KAZN: variants seen among roughly 807,000 people sequenced by gnomAD.
KAZN encodes the protein kazrin, periplakin interacting protein.
Under a neutral mutation model 87.4 loss-of-function variants are expected in KAZN, and 40 were observed. That is an observed-to-expected ratio of 0.46 (90% CI 0.36 to 0.60). The LOEUF is 0.60. Ranked by LOEUF, KAZN falls within the 20% of genes least tolerant of loss-of-function variation. The pLI is 0.00. For synonymous variants in KAZN, 466 were observed against 458.3 expected (o/e 1.02, Z -0.22); for missense variants, 898 against 1,073.9 (o/e 0.84, Z 2.29).
At chr1:13,936,118 G>C (rs1640731941) in intron 1 of KAZN, among the ~76,000 whole-genome samples, 1 of 9,530 alleles carries the variant, frequency 1.0e-4, no homozygotes, top group Non-Finnish European at 2.7e-4. Context: ...TTTTGAGACA[G>C]AGTTTCAAGC....
chr1:14,835,930 A>G (rs972619837), intron 1 of KAZN, among the ~76,000 whole-genome samples: 2 of 152,146 alleles, frequency 1.3e-5, no homozygotes, highest in East Asian at 1.9e-4. Flanking sequence ...ACTGAAAACA[A>G]AAGTCAGCAG....
At chr1:14,148,952 G>A (rs990815051) in intron 1 of KAZN, among the ~76,000 whole-genome samples, 2 of 152,032 alleles carry the variant, frequency 1.3e-5, no homozygotes, top group African/African-American at 2.4e-5. Flanking sequence ...TGGTCTTGTC[G>A]GGTAAAGACT....
intron 1 of KAZN, among the ~76,000 whole-genome samples, chr1:14,783,446 TCTC>T (rs977987491): frequency 6.6e-6 from 1 of 151,926 alleles, no homozygotes; most frequent in African/African-American, 2.4e-5. Flanking sequence ...CTCCAGGACT[TCTC>T]TTCTGCAAAA....
intron 8 of KAZN, chr1:15,067,786 G>A (rs1049574266): frequency 1.0e-6 from 1 of 985,242 alleles, no homozygotes; most frequent in Non-Finnish European, 1.2e-6. Context: ...GAGCCTAGGG[G>A]TGACGGGGAG....
chr1:14,948,665 AAT>A (rs1236804996), intron 1 of KAZN, among the ~76,000 whole-genome samples: 1 of 152,140 alleles, frequency 6.6e-6, no homozygotes, highest in Non-Finnish European at 1.5e-5. Context: ...AGCGGGGGCT[AAT>A]AGAGAAATTT....
At chr1:14,147,212 A>G (rs922795298) in intron 1 of KAZN, among the ~76,000 whole-genome samples, 1 of 152,206 alleles carries the variant, frequency 6.6e-6, no homozygotes, top group Non-Finnish European at 1.5e-5. Context: ...ACAGTAAGTT[A>G]TTAGTAGTTA....
At chr1:14,131,723 A>T (rs1037919902) in intron 1 of KAZN, among the ~76,000 whole-genome samples, 1 of 152,078 alleles carries the variant, frequency 6.6e-6, no homozygotes, top group Non-Finnish European at 1.5e-5. Context: ...GGGTTACATA[A>T]CTTTCAAGAT....
chr1:14,328,731 A>C lies in KAZN; in HGVS notation c.249+148139A>C, dbSNP rs149432494. On this transcript the variant is annotated intron_variant, in intron 2 of 16. Coordinates refer to the KAZN transcript ENST00000636203. ...AAAAAAGAAACTCTAAGAATACTTA[A>C]GAAGACATCCCTAACTGAAAAAAAA... Among the ~76,000 whole-genome samples, 668 of 140,662 alleles carry C rather than the reference A, an allele frequency of 4.7e-3. 6 individuals carry two copies. The highest frequency in any genetic ancestry group is 0.017 in the African/African-American group (627 of 36,352). 92.3% of individuals were successfully genotyped at this position (140,662 alleles called of 152,430 possible).
chr1:14,199,323 C>A (rs1026734463), intron 2 of KAZN, among the ~76,000 whole-genome samples: 1 of 152,174 alleles, frequency 6.6e-6, no homozygotes, highest in African/African-American at 2.4e-5. Flanking sequence ...TCCGATCTCC[C>A]ACCTTTGAAC....
Position 14,856,190 on chromosome 1 carries a change from G to A in KAZN, c.227-104494G>A, listed in dbSNP as rs1199930490. On this transcript the variant is annotated intron_variant, in intron 1 of 14. Transcript: ENST00000376030. The surrounding 1 kb of genome is among the most constrained non-coding windows in gnomAD (Gnocchi z 5.2). ...AGGCTGCAGCTCTTGGGAGGATAAT[G>A]GGCATAGAAATTGGGGAGGGGATGA... Among the ~76,000 whole-genome samples, 1 of 152,156 alleles carries A rather than the reference G, an allele frequency of 6.6e-6. No homozygotes were observed. Among genetic ancestry groups the A allele is most frequent in the African/African-American group, 2.4e-5 (1 of 41,438 alleles).
Position 14,292,528 on chromosome 1 carries a change from C to T in KAZN, c.249+111936C>T, listed in dbSNP as rs533018949. ...TAGATGGGGCTGGCAGGGATTGATC[C>T]ATGTCCAGGGAGTGAAGGCAGGTGC... On this transcript the variant is annotated intron_variant, in intron 2 of 16. Transcript: ENST00000636203. 3.3e-5 allele frequency among the ~76,000 whole-genome samples: 5 copies of T among 152,274 alleles called. No individual in the cohort carries two copies. In the South Asian group the frequency reaches 1.0e-3, roughly 32 times the overall value.
chr1:14,314,440 G>T (rs1224166238), intron 2 of KAZN, among the ~76,000 whole-genome samples: 1 of 151,952 alleles, frequency 6.6e-6, no homozygotes, highest in Non-Finnish European at 1.5e-5. Context: ...TACCATCTTT[G>T]CCTCCATTCC....
At chr1:14,883,346 G>GAGAGAGAGA (rs1557586213) in intron 1 of KAZN, among the ~76,000 whole-genome samples, 1 of 32,488 alleles carries the variant, frequency 3.1e-5, no homozygotes, top group African/African-American at 9.5e-5. Flanking sequence ...GAGAGAGAAA[G>GAGAGAGAGA]AAAGAAAGAA....
chr1:14,548,356 G>A (rs1037579240), intron 2 of KAZN, among the ~76,000 whole-genome samples: 5 of 151,960 alleles, frequency 3.3e-5, no homozygotes. Context: ...CCACCACCAT[G>A]CCTGGCTAAT....
At chr1:14,598,262 T>G (rs1015858447), upstream of KAZN, among the ~76,000 whole-genome samples, 2 of 152,060 alleles carry the variant, frequency 1.3e-5, no homozygotes, top group Non-Finnish European at 2.9e-5. The surrounding 1 kb of genome is among the most constrained non-coding windows in gnomAD (Gnocchi z 4.2). Flanking sequence ...ACTCGCAGTT[T>G]AAGGAACCGG....
At chr1:14,319,632 A>G (rs1655911933) in intron 2 of KAZN, among the ~76,000 whole-genome samples, 1 of 152,054 alleles carries the variant, frequency 6.6e-6, no homozygotes, top group Admixed American at 6.6e-5. Flanking sequence ...TCCACTTGGG[A>G]TCCTCCTCCC....
At chr1:13,900,680 C>G (rs74636485) in intron 1 of KAZN, among the ~76,000 whole-genome samples, 2,886 of 152,196 alleles carry the variant, frequency 0.019, 66 homozygotes, top group East Asian at 0.058. Context: ...CTTAAGAGCT[C>G]CATGGCTTGG....
chr1:14,059,457 A>G (rs1356154683), intron 1 of KAZN, among the ~76,000 whole-genome samples: 38 of 152,224 alleles, frequency 2.5e-4, no homozygotes, highest in Non-Finnish European at 2.9e-5. Context: ...AAGGAGCCAG[A>G]AGACCCAGTA....
At chr1:14,415,026 AAAAT>A (rs747354154) in intron 2 of KAZN, among the ~76,000 whole-genome samples, 7 of 152,272 alleles carry the variant, frequency 4.6e-5, no homozygotes, top group Non-Finnish European at 8.8e-5. Flanking sequence ...ACTGCATCTC[AAAAT>A]AAATAAATAC....
Sources: gnomAD v4.1 joint callset for allele counts (sites outside exome capture counted in the v4.1 genomes callset) on GRCh38, gnomAD v4.1.1 for gene constraint, Gnocchi (gnomAD v3.1) non-coding constraint, MANE v1.5 for transcripts, NCBI Gene and HGNC (gene_info 2026-07-23, HGNC 2026-07-21) for gene names.